The following RIMS1 variants were observed in gnomAD, a reference collection of about 807,000 sequenced individuals.
RIMS1 encodes regulating synaptic membrane exocytosis 1.
Under a neutral mutation model 214.1 loss-of-function variants are expected in RIMS1, and 83 were observed. The observed-to-expected ratio is 0.39, with a 90% CI of 0.32 to 0.47. RIMS1 has a LOEUF of 0.47. RIMS1 is among the 20% of genes least tolerant of loss of function. The pLI, the probability that RIMS1 is intolerant of heterozygous loss-of-function variation, is 0.99. For synonymous variants in RIMS1, 793 were observed against 786.8 expected, an observed-to-expected ratio of 1.01 and a Z score of -0.13; for missense variants, 2,050 against 2,161.8, an observed-to-expected ratio of 0.95 and a Z score of 1.03.
intron 2 of RIMS1, among the ~76,000 whole-genome samples, chr6:72,076,251 C>G (rs1164704493): frequency 6.6e-6 from 1 of 152,172 alleles, no homozygotes; most frequent in African/African-American, 2.4e-5. Flanking sequence ...GATGAGGAAA[C>G]TCAGTATATT....
intron 2 of RIMS1, among the ~76,000 whole-genome samples, chr6:72,029,215 G>A (rs899486955): frequency 2.6e-5 from 4 of 151,976 alleles, no homozygotes; most frequent in Non-Finnish European, 5.9e-5. Flanking sequence ...GAGGTTTTTG[G>A]TCAAATGCAG....
intron 6 of RIMS1, among the ~76,000 whole-genome samples, chr6:72,215,775 G>GT (rs2154021148): frequency 6.6e-6 from 1 of 152,256 alleles, no homozygotes; most frequent in East Asian, 1.9e-4. Flanking sequence ...CCGTAAATAT[G>GT]TTCTTTTAAG....
intron 29 of RIMS1, among the ~76,000 whole-genome samples, chr6:72,387,858 G>A (rs2098639110): frequency 6.6e-6 from 1 of 152,034 alleles, no homozygotes; most frequent in African/African-American, 2.4e-5. Flanking sequence ...TATAACAACT[G>A]GAAATATCCA....
At chr6:72,102,143 T>C (rs1482788136) in intron 4 of RIMS1, among the ~76,000 whole-genome samples, 1 of 151,980 alleles carries the variant, frequency 6.6e-6, no homozygotes, top group Non-Finnish European at 1.5e-5. Flanking sequence ...CTTGATAATA[T>C]TTAACACTTT....
intron 2 of RIMS1, among the ~76,000 whole-genome samples, chr6:72,042,712 A>G (rs184157448): frequency 6.6e-6 from 1 of 151,988 alleles, no homozygotes; most frequent in Admixed American, 6.6e-5. Context: ...TAGGATTTAC[A>G]AATAAATAAC....
intron 2 of RIMS1, among the ~76,000 whole-genome samples, chr6:71,982,772 C>T (rs1207388677): frequency 2.6e-5 from 4 of 152,188 alleles, no homozygotes; most frequent in African/African-American, 7.2e-5. Flanking sequence ...TACCCCTTGG[C>T]CTTTTGTCTT....
At chr6:71,925,780 A>G (rs1228293125) in intron 1 of RIMS1, among the ~76,000 whole-genome samples, 1 of 152,216 alleles carries the variant, frequency 6.6e-6, no homozygotes, top group Non-Finnish European at 1.5e-5. Flanking sequence ...CTTTGTAAAA[A>G]CTTTCAAAAC....
chr6:72,393,721 C>T (rs1432677440), intron 31 of RIMS1, among the ~76,000 whole-genome samples: 6 of 151,326 alleles, frequency 4.0e-5, no homozygotes, highest in Non-Finnish European at 4.4e-5. Flanking sequence ...AGCGAGACTC[C>T]GTCTCCAAGA....
chr6:72,333,950 A>C (rs2096755196), intron 29 of RIMS1, 115 bp downstream of exon 29: 1 of 763,778 alleles, frequency 1.3e-6, no homozygotes, highest in Admixed American at 2.8e-5. Flanking sequence ...CTTTGAAAAG[A>C]AAATTTATTT....
chr6:72,316,571 A>T (rs1277650102), intron 28 of RIMS1: 1 of 398,342 alleles, frequency 2.5e-6, no homozygotes, highest in Non-Finnish European at 4.8e-6. Context: ...AGGTGGAGGG[A>T]GGAGGAGCCC....
At chr6:71,922,985 T>G (rs1227267571) in intron 1 of RIMS1, among the ~76,000 whole-genome samples, 1 of 152,186 alleles carries the variant, frequency 6.6e-6, no homozygotes, top group East Asian at 1.9e-4. Flanking sequence ...AAATTAGTGT[T>G]TAATTGGCTG....
At chr6:71,945,887 T>C (rs1787660351) in intron 1 of RIMS1, among the ~76,000 whole-genome samples, 1 of 151,962 alleles carries the variant, frequency 6.6e-6, no homozygotes, top group African/African-American at 2.4e-5. Context: ...GTAGCTGAGA[T>C]TACAGGTACC....
At chr6:72,217,170 C>A (rs751030654) in intron 6 of RIMS1, 45 of 1,536,266 alleles carry the variant, frequency 2.9e-5, no homozygotes, top group Non-Finnish European at 6.1e-6. Context: ...ATTTAGTTAA[C>A]CACTCCGATG....
At chr6:72,245,992 T>G in intron 11 of RIMS1, 131 bp downstream of exon 11, 1 of 599,226 alleles carries the variant, frequency 1.7e-6, no homozygotes, top group Non-Finnish European at 2.9e-6. Context: ...TGGTACTAGA[T>G]GTTGGCAATG....
chr6:71,911,169 G>A (rs1252010710), intron 1 of RIMS1, among the ~76,000 whole-genome samples: 2 of 152,090 alleles, frequency 1.3e-5, no homozygotes, highest in South Asian at 4.1e-4. Flanking sequence ...GTTCTGTTGA[G>A]CTCCAGATTC....
At chr6:72,367,941 A>C (rs142389210) in intron 29 of RIMS1, among the ~76,000 whole-genome samples, 16 of 152,206 alleles carry the variant, frequency 1.1e-4, no homozygotes, top group African/African-American at 3.9e-4. Flanking sequence ...ATTAATTCCT[A>C]ATTTCAATTT....
At chr6:72,225,506 C>T (rs979647877) in intron 6 of RIMS1, among the ~76,000 whole-genome samples, 5 of 152,060 alleles carry the variant, frequency 3.3e-5, no homozygotes, top group East Asian at 1.9e-4. Context: ...TAATATTTTC[C>T]TTTATCAAAG....
chr6:72,054,085 C>A (rs1825459659), intron 2 of RIMS1, among the ~76,000 whole-genome samples: 1 of 151,658 alleles, frequency 6.6e-6, no homozygotes, highest in Non-Finnish European at 1.5e-5. Context: ...TTGCCCACCA[C>A]CCCCCAAACT....
intron 6 of RIMS1, among the ~76,000 whole-genome samples, chr6:72,212,258 C>T (rs886239721): frequency 1.3e-5 from 2 of 151,310 alleles, no homozygotes; most frequent in Admixed American, 1.3e-4. Context: ...TCAGAAGGTA[C>T]AGCTCTTCAT....
Sources: gnomAD v4.1 joint callset for allele counts (sites outside exome capture counted in the v4.1 genomes callset) on GRCh38, gnomAD v4.1.1 for gene constraint, MANE v1.5 for transcripts, NCBI Gene and HGNC (gene_info 2026-07-23, HGNC 2026-07-21) for gene names.